ARSG: variants seen among roughly 807,000 people sequenced by gnomAD.
ARSG encodes ASG.
ARSG carries 37 observed loss-of-function variants against 50.5 expected under a neutral mutation model. The observed-to-expected ratio is 0.73, with a 90% confidence interval of 0.56 to 0.96. ARSG has a LOEUF of 0.96. Among genes scored for constraint, ARSG ranks in the 50% least tolerant of loss-of-function variants. The pLI, the probability that ARSG is intolerant of heterozygous loss-of-function variation, is 0.00. For missense variants in ARSG, 629 were observed against 675.3 expected, an observed-to-expected ratio of 0.93 and a Z score of 0.76; for synonymous variants, 225 against 254.6, an observed-to-expected ratio of 0.88 and a Z score of 1.11.
intron 1 of ARSG, among the ~76,000 whole-genome samples, chr17:68,285,024 C>G (rs1215992709): frequency 6.6e-6 from 1 of 152,168 alleles, no homozygotes; most frequent in Non-Finnish European, 1.5e-5. Flanking sequence ...ACTATAGGGG[C>G]ACTACAGTGA....
intron 3 of ARSG, among the ~76,000 whole-genome samples, chr17:68,344,141 C>T (rs2146263921): frequency 6.6e-6 from 1 of 152,252 alleles, no homozygotes; most frequent in East Asian, 1.9e-4. Flanking sequence ...TGACTGCCAT[C>T]CAGCGACTTT....
intron 2 of ARSG, among the ~76,000 whole-genome samples, chr17:68,332,337 T>C (rs2077812860): frequency 1.3e-5 from 2 of 152,242 alleles, no homozygotes; most frequent in African/African-American, 4.8e-5. Flanking sequence ...CTTTGTTCCC[T>C]GAACATCGCT....
intron 1 of ARSG, among the ~76,000 whole-genome samples, chr17:68,270,420 G>C (rs1256450275): frequency 6.6e-6 from 1 of 152,154 alleles, no homozygotes; most frequent in African/African-American, 2.4e-5. Context: ...CAGGCGTGGT[G>C]GTGGGTGCCT....
Position 68,385,069 on chromosome 17 carries a change from A to C in ARSG, c.988A>C (p.Ser330Arg). 1 of 1,613,792 alleles carries C rather than the reference A, an allele frequency of 6.2e-7. No homozygotes were observed. Among genetic ancestry groups the C allele is most frequent in the Non-Finnish European group, 8.5e-7 (1 of 1,179,804 alleles). Residue 330 changes from serine to arginine, a missense_variant, in exon 9 of 12, where the codon AGT becomes CGT. By Grantham distance (110) the Ser-to-Arg change is moderately radical. Coordinates refer to ENST00000621439, the MANE Select transcript of ARSG (RefSeq NM_001267727.2). ...TGFWQTRQGG[S>R]PAKQTTWEGG... ...TGCCTCCCCTCCTCTCACAGGGGGA[A>C]GTCCAGCCAAGCAGACGACCTGGGA... is the stretch of plus-strand genomic sequence containing the variant.
intron 8 of ARSG, among the ~76,000 whole-genome samples, chr17:68,372,536 C>T (rs1006782961): frequency 4.6e-5 from 7 of 152,050 alleles, no homozygotes; most frequent in Non-Finnish European, 5.9e-5. Context: ...AAGGGGAAGG[C>T]GCCACACACT....
chr17:68,337,479 C>T (rs2078073957), intron 2 of ARSG, among the ~76,000 whole-genome samples: 1 of 151,866 alleles, frequency 6.6e-6, no homozygotes, highest in East Asian at 1.9e-4. Context: ...ATCAGGGAGG[C>T]CAAAGGAGGA....
At chr17:68,368,822 G>A (rs1348854719) in intron 7 of ARSG, 78 bp downstream of exon 7, 1 of 1,489,944 alleles carries the variant, frequency 6.7e-7, no homozygotes, top group African/African-American at 1.4e-5. Flanking sequence ...AGCAGAGTCT[G>A]GCCCCGTGAT....
chr17:68,283,686 G>A (rs2075770877), intron 1 of ARSG, among the ~76,000 whole-genome samples: 1 of 151,068 alleles, frequency 6.6e-6, no homozygotes, highest in African/African-American at 2.4e-5. Context: ...ATCCCTGAAA[G>A]TATAGTCTTG....
rs137937657 is a variant in ARSG, at chr17:68,393,477, C to A, written c.1092-1596C>A. Among the ~76,000 whole-genome samples the A allele has an allele frequency of 1.8e-3, 276 of 152,216 alleles. 2 individuals carry two copies. The highest frequency in any genetic ancestry group is 6.4e-3 in the African/African-American group (264 of 41,528). On this transcript the variant is annotated intron_variant, in intron 9 of 11. Coordinates refer to ENST00000621439, the MANE Select transcript of ARSG (RefSeq NM_001267727.2). ...CACACTTATTTTTACTTACTAATGG[C>A]CCCAACGTGCAAGAGCAGTGATGTG...
In ARSG at chr17:68,368,844, G is replaced by A. The variant is rs536362305; in HGVS notation, c.901+100G>A. ...TCTGGCCCCGTGATCCCCTTTCATAGGTCAGGAGGCTTGCTTTGAACTTGT... is the reference window on the plus strand; with the variant it reads ...TCTGGCCCCGTGATCCCCTTTCATAAGTCAGGAGGCTTGCTTTGAACTTGT... On this transcript the variant is annotated intron_variant, in intron 7 of 11. Coordinates refer to ENST00000621439, the MANE Select transcript of ARSG (RefSeq NM_001267727.2). 396 of 1,329,820 alleles carry A rather than the reference G, an allele frequency of 3.0e-4. 2 individuals carry two copies. Among genetic ancestry groups the A allele is most frequent in the South Asian group, 1.1e-3 (86 of 77,208 alleles). The allele number at this position is 1,329,820 out of a possible 1,614,324, so 82.4% of individuals were successfully genotyped here. A position where few individuals can be genotyped will look rare whatever the true frequency, so the allele number is the denominator to read the frequency against.
chr17:68,287,953 T>TTC (rs150311794), upstream of ARSG, among the ~76,000 whole-genome samples: 90 of 146,220 alleles, frequency 6.2e-4, no homozygotes, highest in African/African-American at 2.0e-3. Context: ...CTCTCTCTCT[T>TTC]TCTCTCTCTC....
At chr17:68,277,434 C>G (rs2075560573) in intron 1 of ARSG, among the ~76,000 whole-genome samples, 1 of 150,102 alleles carries the variant, frequency 6.7e-6, no homozygotes, top group Admixed American at 6.7e-5. Context: ...CCGGCCGCAA[C>G]TTTTTTCTTT....
At chr17:68,290,104 T>C (rs960794738), upstream of ARSG, among the ~76,000 whole-genome samples, 4 of 152,216 alleles carry the variant, frequency 2.6e-5, no homozygotes, top group Non-Finnish European at 2.9e-5. Flanking sequence ...ATCAGATCAC[T>C]GAGAAATCTC....
At chr17:68,320,304 G>C (rs1176005972) in intron 2 of ARSG, among the ~76,000 whole-genome samples, 1 of 151,102 alleles carries the variant, frequency 6.6e-6, no homozygotes, top group African/African-American at 2.4e-5. Context: ...AAAAAAAAAA[G>C]ATAGTGCCGT....
intron 1 of ARSG, among the ~76,000 whole-genome samples, chr17:68,296,160 G>C (rs1346122896): frequency 6.6e-6 from 1 of 152,144 alleles, no homozygotes; most frequent in Admixed American, 6.5e-5. Context: ...TAAACTGTGT[G>C]ACACAGTTGT....
chr17:68,377,140 G>A (rs1021069940), intron 8 of ARSG, among the ~76,000 whole-genome samples: 2 of 152,180 alleles, frequency 1.3e-5, no homozygotes, highest in African/African-American at 4.8e-5. Flanking sequence ...GGGATTACAG[G>A]CGTGAGCCAC....
intron 2 of ARSG, among the ~76,000 whole-genome samples, chr17:68,308,414 G>A (rs2076692562): frequency 6.6e-6 from 1 of 152,092 alleles, no homozygotes. Flanking sequence ...CCTTCACGGT[G>A]AGTGTTACAG....
chr17:68,303,125 TTGGAGG>T (rs1335758197), intron 1 of ARSG, among the ~76,000 whole-genome samples: 1 of 152,110 alleles, frequency 6.6e-6, no homozygotes, highest in Non-Finnish European at 1.5e-5. Context: ...AGCTGTATGT[TTGGAGG>T]TATTGTTTTC....
At chr17:68,351,473 A>G (rs1418977549) in intron 4 of ARSG, 102 bp from the exon 5 acceptor site, 8 of 698,398 alleles carry the variant, frequency 1.1e-5, no homozygotes, top group Non-Finnish European at 2.1e-5. Context: ...ATAGCACTGC[A>G]GTATTAAATC....
Sources: allele counts gnomAD v4.1 joint callset (sites outside exome capture counted in the v4.1 genomes callset), GRCh38; gene constraint gnomAD v4.1.1; transcripts MANE v1.5; gene names NCBI Gene and HGNC (gene_info 2026-07-23, HGNC 2026-07-21).